The following TBL1X variants were observed in gnomAD, a reference collection of about 807,000 sequenced individuals.
The protein encoded by TBL1X is F-box-like/WD repeat-containing protein TBL1X.
A neutral mutation model predicts 50.7 loss-of-function variants in TBL1X; 10 were observed. That is an observed-to-expected ratio of 0.20 (90% CI 0.12 to 0.33). The LOEUF (loss-of-function observed/expected upper bound fraction) is 0.33, where lower values mean the gene tolerates loss of function less well. Among genes scored for constraint, TBL1X ranks in the 10% least tolerant of loss-of-function variants. TBL1X has a pLI of 1.00. For synonymous variants in TBL1X, 190 were observed against 214.7 expected (o/e 0.88, Z 1.01); for missense variants, 340 against 504.4 (o/e 0.67, Z 3.12).
At chrX:9,573,861 A>G (rs889494723) in intron 2 of TBL1X, among the ~76,000 whole-genome samples, 10 of 112,835 alleles carry the variant, frequency 8.9e-5, no homozygotes, top group African/African-American at 3.2e-4. Flanking sequence ...TGGCAAAAGC[A>G]CATTTGTGGT....
chrX:9,567,060 G>A (rs1055352726), intron 2 of TBL1X, among the ~76,000 whole-genome samples: 4 of 111,850 alleles, frequency 3.6e-5, no homozygotes, highest in African/African-American at 9.8e-5. Context: ...ATGATAGAAC[G>A]GGCTGGGGAA....
chrX:9,711,923 GCACCC>G, intron 16 of TBL1X, 147 bp downstream of exon 16: 9 of 586,534 alleles, frequency 1.5e-5, no homozygotes, highest in African/African-American at 2.3e-5. Flanking sequence ...CTGTCCACGT[GCACCC>G]CACGTGGGCT....
At chrX:9,509,212 A>T (rs1285959516) in intron 2 of TBL1X, among the ~76,000 whole-genome samples, 1 of 106,358 alleles carries the variant, frequency 9.4e-6, no homozygotes, top group Non-Finnish European at 1.9e-5. Context: ...ATGGTGAAAC[A>T]CCGTCTCTAC....
At chrX:9,583,347 CT>C (rs981271845) in intron 2 of TBL1X, among the ~76,000 whole-genome samples, 13 of 112,148 alleles carry the variant, frequency 1.2e-4, no homozygotes, top group African/African-American at 3.6e-4. Flanking sequence ...TGCAGTGACC[CT>C]TTTTTCCCAA....
At chrX:9,660,476 G>A (rs185197147) in intron 5 of TBL1X, among the ~76,000 whole-genome samples, 202 of 112,143 alleles carry the variant, frequency 1.8e-3, no homozygotes, top group African/African-American at 6.0e-3. Flanking sequence ...TCTCACACAC[G>A]CTGAATTCCC....
intron 1 of TBL1X, among the ~76,000 whole-genome samples, chrX:9,477,982 G>A (rs778738789): frequency 9.0e-6 from 1 of 111,627 alleles, no homozygotes; most frequent in African/African-American, 3.3e-5. Flanking sequence ...TAGTGACTTT[G>A]CCTTCCGCCC....
At chrX:9,714,753 C>G in intron 16 of TBL1X, 149 bp from the exon 17 acceptor site, 1 of 528,494 alleles carries the variant, frequency 1.9e-6, no homozygotes, top group Non-Finnish European at 3.2e-6. Flanking sequence ...ATCTCCATGG[C>G]CCCCAGAGTC....
In TBL1X at chrX:9,716,410, C is replaced by T; in HGVS notation, c.*164C>T. 2.0e-6 allele frequency: 1 copy of T among 501,427 alleles called. No homozygotes were observed. Among genetic ancestry groups the T allele is most frequent in the Non-Finnish European group, 3.1e-6 (1 of 318,088 alleles). 41.3% of individuals were successfully genotyped at this position (501,427 alleles called of 1,213,427 possible). On this transcript the variant is annotated 3_prime_UTR_variant, in exon 18 of 18. Transcript: ENST00000645353. ...GGAGTCTATATGTTTTCGTAATCTT[C>T]ATCAAGAAGTTTTTAAAAGGCAAGC...
intron 5 of TBL1X, among the ~76,000 whole-genome samples, chrX:9,659,009 G>C (rs2082881232): frequency 9.0e-6 from 1 of 111,502 alleles, no homozygotes; most frequent in East Asian, 2.8e-4. Flanking sequence ...TTTATTTGTA[G>C]AGACAGGGTC....
chrX:9,627,984 A>G (rs1176961486), intron 2 of TBL1X, among the ~76,000 whole-genome samples: 1 of 112,575 alleles, frequency 8.9e-6, no homozygotes, highest in Non-Finnish European at 1.9e-5. Context: ...TAGAAGATGC[A>G]TAACCAGCCT....
At chrX:9,589,018 A>C (rs368049106) in intron 2 of TBL1X, among the ~76,000 whole-genome samples, 30 of 111,416 alleles carry the variant, frequency 2.7e-4, no homozygotes, top group African/African-American at 8.5e-4. Context: ...CTGCCCTGAC[A>C]TTTTACACTG....
At chrX:9,596,257 T>C (rs969898218) in intron 2 of TBL1X, among the ~76,000 whole-genome samples, 3 of 112,079 alleles carry the variant, frequency 2.7e-5, no homozygotes, top group Admixed American at 9.4e-5. Context: ...ATGGTTCAGA[T>C]GGGACTTTGC....
chrX:9,517,630 G>A (rs2082087039), intron 2 of TBL1X, among the ~76,000 whole-genome samples: 1 of 112,046 alleles, frequency 8.9e-6, no homozygotes, highest in Non-Finnish European at 1.9e-5. Flanking sequence ...AGGTGGGCCA[G>A]TGGGATTTTA....
Position 9,644,178 on chromosome X carries a change from G to A in TBL1X, c.-43+3818G>A, listed in dbSNP as rs143702153. Among the ~76,000 whole-genome samples, 1,093 of 112,429 alleles carry A rather than the reference G, an allele frequency of 9.7e-3. 22 individuals carry two copies. The highest frequency in any genetic ancestry group is 0.033 in the African/African-American group (1,033 of 30,963). ...GCACATTGTGTAGAAACTGTGTTCA[G>A]TCTATCTAAAAGATAATTAAAATCC... On this transcript the variant is annotated intron_variant, in intron 3 of 17. Transcript: ENST00000645353.
chrX:9,626,744 C>G (rs1242016236), intron 2 of TBL1X, among the ~76,000 whole-genome samples: 1 of 111,998 alleles, frequency 8.9e-6, no homozygotes, highest in Non-Finnish European at 1.9e-5. Context: ...ACTATTTAGC[C>G]ATCGTGTCAG....
At chrX:9,601,895 T>C (rs2082558766) in intron 2 of TBL1X, among the ~76,000 whole-genome samples, 2 of 110,874 alleles carry the variant, frequency 1.8e-5, no homozygotes, top group South Asian at 3.9e-4. Flanking sequence ...TACAAAAAAA[T>C]TAGCTGGGCA....
intron 5 of TBL1X, among the ~76,000 whole-genome samples, chrX:9,664,968 A>G (rs897557300): frequency 9.9e-5 from 11 of 110,976 alleles, no homozygotes; most frequent in South Asian, 3.9e-4. Flanking sequence ...GGTAAAATCA[A>G]TGTCAGTTAA....
At chrX:9,617,107 A>G (rs141464547) in intron 2 of TBL1X, among the ~76,000 whole-genome samples, 2,638 of 111,782 alleles carry the variant, frequency 0.024, 34 homozygotes, top group South Asian at 0.03. Context: ...GCTCCAAGGC[A>G]CCGTGTTTTT....
chrX:9,674,052 G>A (rs770920334), intron 5 of TBL1X, among the ~76,000 whole-genome samples: 14 of 111,824 alleles, frequency 1.3e-4, no homozygotes, highest in African/African-American at 3.9e-4. Flanking sequence ...GGCAATGAGC[G>A]AAATTCTTTC....
Sources: allele counts gnomAD v4.1 joint callset (sites outside exome capture counted in the v4.1 genomes callset), GRCh38; gene constraint gnomAD v4.1.1; transcripts MANE v1.5; gene names NCBI Gene and HGNC (gene_info 2026-07-23, HGNC 2026-07-21).